The following VIRMA variants were observed in gnomAD, a reference collection of about 807,000 sequenced individuals.
VIRMA encodes vir like m6A methyltransferase associated, also known as protein virilizer homolog.
Under a neutral mutation model 182.4 loss-of-function variants are expected in VIRMA, and 65 were observed. The ratio of observed to expected loss-of-function variants is 0.36; its 90% CI spans 0.29 to 0.44. VIRMA has a LOEUF of 0.44. Ranked by LOEUF, VIRMA falls within the 20% of genes least tolerant of loss-of-function variation. VIRMA has a pLI of 1.00. For synonymous variants in VIRMA, 709 were observed against 743.1 expected (o/e 0.95, Z 0.75); for missense variants, 1,752 against 2,158.1 (o/e 0.81, Z 3.73).
chr8:94,510,150 A>G (rs1814314146), intron 14 of VIRMA, among the ~76,000 whole-genome samples: 1 of 152,226 alleles, frequency 6.6e-6, no homozygotes. Context: ...CTTAAATCAG[A>G]GTACTTCTTT....
At chr8:94,540,797 CAGTATCTCAAGAAA>C (rs1185250370) in intron 2 of VIRMA, among the ~76,000 whole-genome samples, 1 of 152,040 alleles carries the variant, frequency 6.6e-6, no homozygotes, top group Non-Finnish European at 1.5e-5. Context: ...CCTTGGACTT[CAGTATCTCAAGAAA>C]AGGAAAAAGA....
chr8:94,519,504 A>G (rs772170283), intron 8 of VIRMA, 28 bp from the exon 9 acceptor site: 1 of 1,515,838 alleles, frequency 6.6e-7, no homozygotes, highest in South Asian at 1.4e-5. Flanking sequence ...GATACATGTC[A>G]AGTCAGTGCA....
intron 8 of VIRMA, 45 bp from the exon 9 acceptor site, chr8:94,519,521 T>C: frequency 6.7e-7 from 1 of 1,502,926 alleles, no homozygotes; most frequent in Middle Eastern, 1.8e-4. Flanking sequence ...TGCAAAGCAT[T>C]CTTCATTTAC....
intron 5 of VIRMA, among the ~76,000 whole-genome samples, chr8:94,531,692 T>C (rs1815180359): frequency 6.6e-6 from 1 of 152,222 alleles, no homozygotes; most frequent in Admixed American, 6.5e-5. Context: ...CTCTTAGGCT[T>C]GGGCATAATC....
At chr8:94,537,378 A>G (rs1815381652) in intron 3 of VIRMA, among the ~76,000 whole-genome samples, 1 of 152,174 alleles carries the variant, frequency 6.6e-6, no homozygotes, top group Admixed American at 6.5e-5. Context: ...GACATCAATA[A>G]ATTTTTAAAA....
chr8:94,548,929 T>C (rs1004311950), intron 1 of VIRMA, among the ~76,000 whole-genome samples: 3 of 152,048 alleles, frequency 2.0e-5, no homozygotes, highest in Non-Finnish European at 4.4e-5. Context: ...AGTGCTGGTA[T>C]TACAGGCATG....
intron 16 of VIRMA, among the ~76,000 whole-genome samples, chr8:94,502,865 T>A (rs1814041531): frequency 6.6e-6 from 1 of 151,728 alleles, no homozygotes; most frequent in Non-Finnish European, 1.5e-5. Context: ...ATATATAAAT[T>A]AAAAAAGTCA....
chr8:94,496,299 T>C, intron 18 of VIRMA, 29 bp downstream of exon 18: 1 of 1,595,186 alleles, frequency 6.3e-7, no homozygotes, highest in Non-Finnish European at 8.5e-7. Context: ...AAATAGGCCT[T>C]AAGAACGCTC....
intron 15 of VIRMA, among the ~76,000 whole-genome samples, chr8:94,509,374 C>A (rs1814274731): frequency 6.6e-6 from 1 of 151,226 alleles, no homozygotes; most frequent in Non-Finnish European, 1.5e-5. Flanking sequence ...TGCACTCCAG[C>A]CTGGGCGACA....
At chr8:94,536,257 A>G (rs1815338817) in intron 4 of VIRMA, among the ~76,000 whole-genome samples, 1 of 152,226 alleles carries the variant, frequency 6.6e-6, no homozygotes, top group Non-Finnish European at 1.5e-5. Flanking sequence ...AGGAAGATAA[A>G]CAGATAACAA....
At chr8:94,498,271 T>G (rs1266388242) in intron 17 of VIRMA, 1 of 152,200 alleles carries the variant, frequency 6.6e-6, no homozygotes, top group Non-Finnish European at 1.5e-5. Context: ...ATTTTAACAA[T>G]AAGATTTTAG....
intron 2 of VIRMA, among the ~76,000 whole-genome samples, chr8:94,540,563 C>G (rs1815512772): frequency 6.7e-6 from 1 of 149,440 alleles, no homozygotes; most frequent in East Asian, 2.0e-4. Context: ...CTCTCAGGTT[C>G]AAGTGATCCT....
chr8:94,518,851 A>G, intron 9 of VIRMA, 134 bp downstream of exon 9: 1 of 822,700 alleles, frequency 1.2e-6, no homozygotes, highest in Non-Finnish European at 1.9e-6. Flanking sequence ...CTAACCTTTA[A>G]TTAACAAGTT....
intron 16 of VIRMA, among the ~76,000 whole-genome samples, chr8:94,504,986 C>A (rs552641937): frequency 1.3e-5 from 2 of 152,264 alleles, no homozygotes; most frequent in East Asian, 3.9e-4. Flanking sequence ...TACAAAAAAT[C>A]TTTGTGGGAG....
chr8:94,500,639 A>AGT (rs1813936313), intron 16 of VIRMA, among the ~76,000 whole-genome samples: 1 of 149,728 alleles, frequency 6.7e-6, no homozygotes, highest in Non-Finnish European at 1.5e-5. Flanking sequence ...TACTTTGGAA[A>AGT]ACAGTTCGGT....
At chr8:94,537,989 A>G (rs1488109507) in intron 3 of VIRMA, among the ~76,000 whole-genome samples, 1 of 152,242 alleles carries the variant, frequency 6.6e-6, no homozygotes, top group Non-Finnish European at 1.5e-5. Context: ...GAAGGTTACT[A>G]TCATGTGTGA....
chr8:94,526,136 A>G (rs985602033), intron 8 of VIRMA, 87 bp downstream of exon 8: 1 of 995,270 alleles, frequency 1.0e-6, no homozygotes, highest in African/African-American at 1.6e-5. Context: ...TAAGTTACCT[A>G]CAATCAGATA....
At chr8:94,495,640 CT>C in intron 19 of VIRMA, 90 bp downstream of exon 19, 1 of 1,013,310 alleles carries the variant, frequency 9.9e-7, no homozygotes, top group East Asian at 2.5e-5. Context: ...CTATCTGGCC[CT>C]TTATAGAAAA....
At chr8:94,531,137 C>G in intron 5 of VIRMA, 52 bp from the exon 6 acceptor site, 1 of 1,486,966 alleles carries the variant, frequency 6.7e-7, no homozygotes, top group Admixed American at 2.4e-5. Context: ...AGATGACCCC[C>G]GAACAACATG....
Sources: gnomAD v4.1 joint callset for allele counts (sites outside exome capture counted in the v4.1 genomes callset) on GRCh38, gnomAD v4.1.1 for gene constraint, MANE v1.5 for transcripts, NCBI Gene and HGNC (gene_info 2026-07-23, HGNC 2026-07-21) for gene names.